Variants in SLC49A3 observed in about 807,000 individuals in gnomAD.
SLC49A3 encodes the protein solute carrier family 49 member A3.
SLC49A3 carries 50 observed loss-of-function variants against 43.8 expected under a neutral mutation model. The ratio of observed to expected loss-of-function variants is 1.14; its 90% confidence interval spans 0.91 to 1.45. The LOEUF (loss-of-function observed/expected upper bound fraction) is 1.45. SLC49A3 is among the 40% of genes most tolerant of loss of function. The probability of loss-of-function intolerance (pLI) is 0.00; values close to 1 mark genes in which losing one functional copy is unlikely to be tolerated. For missense variants in SLC49A3, 906 were observed against 774.1 expected (o/e 1.17, Z -2.02); for synonymous variants, 413 against 352.0 (o/e 1.17, Z -1.94).
At chr4:690,827 A>G (rs1030560299), upstream of SLC49A3, among the ~76,000 whole-genome samples, 8 of 152,286 alleles carry the variant, frequency 5.3e-5, no homozygotes, top group Non-Finnish European at 1.2e-4. Flanking sequence ...AGGTGAGCTC[A>G]GCAACATTGC....
At position 682,501 on chromosome 4, in the gene SLC49A3, A is replaced by C. The variant is rs1024369283; in HGVS notation, c.1262-125T>G. On this transcript the variant is annotated intron_variant, in intron 9 of 9. Transcript: ENST00000322224. ...CAGAGTGACCCCAGACGGAGAGCCC[A>C]CTCGCAGCTCTTGACAGCCCTGAGG... 3 of 1,058,554 alleles carry C rather than the reference A, an allele frequency of 2.8e-6. No individual in the cohort carries two copies. In the Admixed American group the frequency reaches 1.2e-4, roughly 41 times the overall value. The allele number at this position is 1,058,554 out of a possible 1,614,324, so 65.6% of individuals were successfully genotyped here. A position where few individuals can be genotyped will look rare whatever the true frequency, so the allele number is the denominator to read the frequency against.
chr4:680,962 C>T (rs750305475), downstream of SLC49A3: 17 of 1,058,426 alleles, frequency 1.6e-5, no homozygotes, highest in Non-Finnish European at 2.1e-5. Context: ...GCCCCAGGGC[C>T]ACACTCCAGC....
downstream of SLC49A3, chr4:680,540 C>G: frequency 1.2e-6 from 2 of 1,613,602 alleles, no homozygotes; most frequent in Non-Finnish European, 1.7e-6. Flanking sequence ...TTCTTAACGC[C>G]TTCAAGATGC....
At chr4:677,917 T>C, downstream of SLC49A3, 1 of 1,580,986 alleles carries the variant, frequency 6.3e-7, no homozygotes, top group Non-Finnish European at 8.7e-7. Flanking sequence ...AGCCTGTCCT[T>C]GTAGGGAGTG....
rs1016725330 is a variant in SLC49A3 at position 685,151 on chromosome 4, T to C, written c.586-295A>G. On this transcript the variant is annotated intron_variant, in intron 4 of 9. Coordinates refer to ENST00000322224, the MANE Select transcript of SLC49A3 (RefSeq NM_032219.4). This position sits in a 1 kb window ranked among gnomAD's most constrained non-coding sequence, Gnocchi z 4.3. The stretch of plus-strand genomic sequence containing the variant: ...ATCTCACTGCCAGCTGCACAGCCCA[T>C]GATAGGGCTCAACACACAGACACAG... 8 of 486,112 alleles carry C rather than the reference T, an allele frequency of 1.6e-5. No homozygotes were observed. Among genetic ancestry groups the C allele is most frequent in the South Asian group, 1.0e-4 (4 of 39,614 alleles). 30.1% of individuals were successfully genotyped at this position (486,112 alleles called of 1,614,324 possible). A position where few individuals can be genotyped will look rare whatever the true frequency, so the allele number is the denominator to read the frequency against.
At chr4:683,473 C>T (rs560605230) in intron 7 of SLC49A3, 106 bp from the exon 8 acceptor site, 480 of 1,503,632 alleles carry the variant, frequency 3.2e-4, no homozygotes, top group Middle Eastern at 2.2e-3. Context: ...CATCCCACCC[C>T]GGGGCCACCC....
At chr4:682,669 C>T in intron 9 of SLC49A3, 112 bp downstream of exon 9, 1 of 845,820 alleles carries the variant, frequency 1.2e-6, no homozygotes. Context: ...TGGTGCTCAC[C>T]TGTCCTGCTG....
At position 683,759 on chromosome 4, in the gene SLC49A3, C is replaced by T. The variant is rs1256938540; in HGVS notation, c.843G>A (p.Gly281=). ...QILCASGHSS[G]FSGLCGALFI... is the part of the protein sequence containing the mutation. ...AGAGAGCGCCACAGAGGCCGGAAAA[C>T]CCCTGGAGGAGGCGAGAAGAGGCCA... The change falls in exon 7 of 10, where the codon GGG becomes GGA. Residue 281 remains glycine, a splice_region_variant and synonymous_variant. Transcript: ENST00000322224. 3.2e-6 allele frequency: 5 copies of T among 1,561,888 alleles called. No homozygotes were observed. The highest frequency in any genetic ancestry group is 4.3e-6 in the Non-Finnish European group (5 of 1,152,918).
At chr4:677,595 C>T (rs942293750), downstream of SLC49A3, among the ~76,000 whole-genome samples, 3 of 152,192 alleles carry the variant, frequency 2.0e-5, no homozygotes, top group Admixed American at 6.5e-5. Flanking sequence ...GGCAGAAGCC[C>T]GGTGACCAGC....
At chr4:690,932 G>C (rs1379428475), upstream of SLC49A3, among the ~76,000 whole-genome samples, 1 of 152,226 alleles carries the variant, frequency 6.6e-6, no homozygotes, top group Admixed American at 6.5e-5. Flanking sequence ...ATTACTCCAA[G>C]GAAAATTAAA....
chr4:678,027 A>G (rs370925953), downstream of SLC49A3: 16 of 1,613,342 alleles, frequency 9.9e-6, no homozygotes, highest in African/African-American at 2.0e-4. Context: ...AGAAGCAGGC[A>G]TGGTGAGCAG....
chr4:679,969 G>A (rs1288701477), downstream of SLC49A3: 4 of 1,613,630 alleles, frequency 2.5e-6, no homozygotes, highest in South Asian at 1.1e-5. Flanking sequence ...AGGCCTCGGG[G>A]CCCATCAACT....
At chr4:678,116 C>T (rs1171722745), downstream of SLC49A3, 34 of 1,579,642 alleles carry the variant, frequency 2.2e-5, no homozygotes, top group East Asian at 9.4e-5. Flanking sequence ...CGAGCGTGGG[C>T]GTGTCCGTGC....
chr4:678,322 G>A, downstream of SLC49A3: 2 of 1,425,010 alleles, frequency 1.4e-6, no homozygotes, highest in Non-Finnish European at 1.8e-6. Context: ...CCGGTACCCA[G>A]AACAAGCCCA....
At chr4:686,823 G>GGCCTTCCTGCCCAAGGA in intron 1 of SLC49A3, 133 bp from the exon 2 acceptor site, 1 of 1,186,442 alleles carries the variant, frequency 8.4e-7, no homozygotes, top group East Asian at 2.6e-5. Flanking sequence ...CTGGACACGG[G>GGCCTTCCTGCCCAAGGA]GCCTTCCTGC....
chr4:685,973 A>G lies in SLC49A3; in HGVS notation c.509-62T>C. ...TGGCCTGGCTTCATCGCCAGCCCACAGGCAGAACCTTCCGGGCCCCAGCTC... is the reference window on the plus strand; with the variant it reads ...TGGCCTGGCTTCATCGCCAGCCCACGGGCAGAACCTTCCGGGCCCCAGCTC... On this transcript the variant is annotated intron_variant, in intron 3 of 9. Transcript: ENST00000322224. The surrounding 1 kb of genome is among the most constrained non-coding windows in gnomAD (Gnocchi z 4.3). 1.2e-6 allele frequency: 2 copies of G among 1,611,200 alleles called. No homozygotes were observed. The highest frequency in any genetic ancestry group is 8.5e-7 in the Non-Finnish European group (1 of 1,178,690).
At position 685,751 on chromosome 4, in the gene SLC49A3, C is replaced by T. The variant is rs932164346; in HGVS notation, c.585+84G>A. On this transcript the variant is annotated intron_variant, in intron 4 of 9. Coordinates refer to ENST00000322224, the MANE Select transcript of SLC49A3 (RefSeq NM_032219.4). The surrounding 1 kb of genome is among the most constrained non-coding windows in gnomAD (Gnocchi z 4.3). ...GGAATCACACACGGGCACAGGAACA[C>T]GGACACACTTGGGATCAGGAACACA... 15 of 1,434,726 alleles carry T rather than the reference C, an allele frequency of 1.0e-5. 1 individual carries two copies. In the Middle Eastern group the frequency reaches 7.0e-4, roughly 67 times the overall value. The allele number at this position is 1,434,726 out of a possible 1,614,324, so 88.9% of individuals were successfully genotyped here.
intron 1 of SLC49A3, 120 bp from the exon 2 acceptor site, chr4:686,810 G>T (rs76995815): frequency 0.073 from 94,152 of 1,296,572 alleles, 3,814 homozygotes; most frequent in Middle Eastern, 0.12. Flanking sequence ...GGGACACAGC[G>T]AGCTGGACAC....
upstream of SLC49A3, among the ~76,000 whole-genome samples, chr4:690,576 G>A (rs150857265): frequency 1.2e-3 from 190 of 152,340 alleles, no homozygotes; most frequent in Middle Eastern, 6.8e-3. Flanking sequence ...AGGCTTCCCT[G>A]TTGAGGGACC....
Sources: gnomAD v4.1 joint callset for allele counts (sites outside exome capture counted in the v4.1 genomes callset) on GRCh38, gnomAD v4.1.1 for gene constraint, Gnocchi (gnomAD v3.1) non-coding constraint, MANE v1.5 for transcripts, NCBI Gene and HGNC (gene_info 2026-07-23, HGNC 2026-07-21) for gene names.